SAC3D1: variants seen among roughly 807,000 people sequenced by gnomAD.
SAC3D1 encodes the protein SAC3 domain containing 1.
SAC3D1 carries 10 observed loss-of-function variants against 12.7 expected under a neutral mutation model. That is an observed-to-expected ratio of 0.79 (90% CI 0.49 to 1.34). The LOEUF is 1.34. Among genes scored for constraint, SAC3D1 ranks in the 40% most tolerant of loss-of-function variants. The pLI is 0.00. For synonymous variants in SAC3D1, 241 were observed against 250.8 expected, an observed-to-expected ratio of 0.96 and a Z score of 0.37; for missense variants, 482 against 531.1, an observed-to-expected ratio of 0.91 and a Z score of 0.91.
rs1298060999 is a variant in SAC3D1, at chr11:65,044,548, C to T, written c.898C>T (p.Pro300Ser). The change falls in exon 2 of 2, where the codon CCC becomes TCC. Residue 300 changes from proline (P) to serine (S), a missense_variant. This residue lies in a region of SAC3D1 where 225 missense variants were observed against 241.1 expected (regional missense o/e 0.93). Coordinates refer to ENST00000652489, the MANE Select transcript of SAC3D1 (RefSeq NM_013299.4). The surrounding 1 kb of genome is among the most constrained non-coding windows in gnomAD (Gnocchi z 4.0). ...GGACCTGTGCCAGGCCCACGGGCTGCCCTTGGACGGAGAGGAGAGAGTTGT... is the reference window on the plus strand; with the variant it reads ...GGACCTGTGCCAGGCCCACGGGCTGTCCTTGGACGGAGAGGAGAGAGTTGT... ...ARDLCQAHGL[P>S]LDGEERVVFL... The T allele has an allele frequency of 6.2e-7, 1 of 1,614,142 alleles. No individual in the cohort carries two copies. The highest frequency in any genetic ancestry group is 1.7e-5 in the Admixed American group (1 of 60,030).
Position 65,044,147 on chromosome 11 carries a change from G to C in SAC3D1, c.575-78G>C, listed in dbSNP as rs917287491. Reference sequence around the variant, plus strand: ...AGGGGCGTGGTCGAGGAGAGAGGAAGGACAGGGTGTTGGGAGGGGAGATGA... The same window carrying C: ...AGGGGCGTGGTCGAGGAGAGAGGAACGACAGGGTGTTGGGAGGGGAGATGA... On this transcript the variant is annotated intron_variant, in intron 1 of 1. Transcript: ENST00000652489. The surrounding 1 kb of genome is among the most constrained non-coding windows in gnomAD (Gnocchi z 4.0). 1.3e-6 allele frequency: 2 copies of C among 1,516,080 alleles called. No individual in the cohort carries two copies. Among genetic ancestry groups the C allele is most frequent in the Non-Finnish European group, 1.8e-6 (2 of 1,112,724 alleles). 93.9% of individuals were successfully genotyped at this position (1,516,080 alleles called of 1,614,324 possible).
At chr11:65,043,780 C>T (rs565614468) in intron 1 of SAC3D1, among the ~76,000 whole-genome samples, 2 of 152,202 alleles carry the variant, frequency 1.3e-5, no homozygotes, top group South Asian at 4.1e-4. Flanking sequence ...GGCAGAGTCT[C>T]CTGAAGGAAG....
rs770777396 is a variant in SAC3D1 at position 65,044,215 on chromosome 11, G to A, written c.575-10G>A. ...CCAGGCGTCCTCATTCTGGCTTCCC[G>A]CTCTCACAGGCTCGGTGGAAGCCCT... On this transcript the variant is annotated splice_polypyrimidine_tract_variant and intron_variant, in intron 1 of 1. Coordinates refer to ENST00000652489, the MANE Select transcript of SAC3D1 (RefSeq NM_013299.4). This position sits in a 1 kb window ranked among gnomAD's most constrained non-coding sequence, Gnocchi z 4.0. 74 of 1,610,468 alleles carry A rather than the reference G, an allele frequency of 4.6e-5. No individual in the cohort carries two copies. Among genetic ancestry groups the A allele is most frequent in the Middle Eastern group, 3.4e-4 (2 of 5,928 alleles).
rs1022530979 is a variant in SAC3D1 at position 65,041,273 on chromosome 11, C to T, written c.-20C>T. The T allele has an allele frequency of 5.4e-6, 8 of 1,491,460 alleles. No individual in the cohort carries two copies. The highest frequency in any genetic ancestry group is 7.1e-6 in the Non-Finnish European group (8 of 1,128,454). The allele number at this position is 1,491,460 out of a possible 1,614,324, so 92.4% of individuals were successfully genotyped here. ...CGTCCCCGGGATGCTGAGCGCCCAC[C>T]GTCTCCCCGCAGCCCCCTCATGCCC... On this transcript the variant is annotated 5_prime_UTR_variant, in exon 1 of 2. Coordinates refer to ENST00000652489, the MANE Select transcript of SAC3D1 (RefSeq NM_013299.4).
rs774976387 is a variant in SAC3D1 at position 65,041,486 on chromosome 11, C to A, written c.194C>A (p.Pro65Gln). The A allele has an allele frequency of 3.9e-5, 57 of 1,471,492 alleles. No homozygotes were observed. Among genetic ancestry groups the A allele is most frequent in the South Asian group, 3.9e-5 (3 of 76,990 alleles). The allele number at this position is 1,471,492 out of a possible 1,614,324, so 91.2% of individuals were successfully genotyped here. The change falls in exon 1 of 2, where the codon CCG becomes CAG. Residue 65 changes from proline (P) to glutamine (Q), a missense_variant. This residue lies in a region of SAC3D1 where 197 missense variants were observed against 183.2 expected (regional missense o/e 1.08). Transcript: ENST00000652489. ...CCCGCCGCCGGCAAGCCCCGGCCCC[C>A]GCCCAGCCAGTTGCGTCCGCCCTCC... ...SRPAAGKPRP[P>Q]PSQLRPPSVL... is the part of the protein sequence containing the mutation.
In SAC3D1 at chr11:65,044,591, A is replaced by C; in HGVS notation, c.941A>C (p.Tyr314Ser). 1.9e-6 allele frequency: 3 copies of C among 1,614,086 alleles called. No homozygotes were observed. The highest frequency in any genetic ancestry group is 2.5e-6 in the Non-Finnish European group (3 of 1,180,030). The change falls in exon 2 of 2, where the codon TAC becomes TCC. Residue 314 changes from tyrosine (Y) to serine (S), a missense_variant. Around this residue, in one of 3 missense-constraint regions of SAC3D1, gnomAD observed 225 missense variants for 241.1 expected, o/e 0.93. Coordinates refer to ENST00000652489, the MANE Select transcript of SAC3D1 (RefSeq NM_013299.4). This position sits in a 1 kb window ranked among gnomAD's most constrained non-coding sequence, Gnocchi z 4.0. ...AGAGTTGTGTTCCTGAGGGGTCGCT[A>C]CGTGGAGGAAGGGCTACCGCCTGCC... Reference protein sequence around the residue: ...EERVVFLRGRYVEEGLPPAST... With the variant: ...EERVVFLRGRSVEEGLPPAST...
In SAC3D1 at chr11:65,044,118, G is replaced by T. The variant is rs907820080; in HGVS notation, c.575-107G>T. The T allele has an allele frequency of 2.9e-6, 4 of 1,360,254 alleles. No individual in the cohort carries two copies. The Admixed American group carries it at 6.1e-5, about 21-fold the overall frequency. 84.3% of individuals were successfully genotyped at this position (1,360,254 alleles called of 1,614,324 possible). On this transcript the variant is annotated intron_variant, in intron 1 of 1. Coordinates refer to ENST00000652489, the MANE Select transcript of SAC3D1 (RefSeq NM_013299.4). The surrounding 1 kb of genome is among the most constrained non-coding windows in gnomAD (Gnocchi z 4.0). The stretch of plus-strand genomic sequence containing the variant: ...GGAGAGGGAAGTTGGGCTAGGCCTA[G>T]AGAAGGGGCGTGGTCGAGGAGAGAG...
intron 1 of SAC3D1, 121 bp downstream of exon 1, chr11:65,041,987 C>A: frequency 1.6e-6 from 2 of 1,220,826 alleles, no homozygotes; most frequent in Non-Finnish European, 2.1e-6. Flanking sequence ...CAGGACAGCA[C>A]AAGATCCACC....
intron 1 of SAC3D1, among the ~76,000 whole-genome samples, chr11:65,042,316 C>G (rs923593989): frequency 6.6e-6 from 1 of 152,004 alleles, no homozygotes; most frequent in African/African-American, 2.4e-5. Flanking sequence ...AGGCTGGTCT[C>G]GAACTCCTGA....
Position 65,044,382 on chromosome 11 carries a change from C to G in SAC3D1, c.732C>G (p.Cys244Trp), listed in dbSNP as rs376407450. ...LLQTLPYLPS[C>W]AVQCHVGHAR... ...AGACCCTGCCCTACCTGCCAAGTTG[C>G]GCTGTGCAGTGCCATGTGGGCCATG... Residue 244 changes from cysteine to tryptophan, a missense_variant, in exon 2 of 2, where the codon TGC (cysteine) becomes TGG (tryptophan). Cys to Trp is a radical substitution (Grantham distance 215). Around this residue, in one of 3 missense-constraint regions of SAC3D1, gnomAD observed 225 missense variants for 241.1 expected, o/e 0.93. Coordinates refer to ENST00000652489, the MANE Select transcript of SAC3D1 (RefSeq NM_013299.4). The surrounding 1 kb of genome is among the most constrained non-coding windows in gnomAD (Gnocchi z 4.0). The G allele has an allele frequency of 2.5e-6, 4 of 1,613,600 alleles. 1 individual carries two copies. In the South Asian group the frequency reaches 4.4e-5, roughly 18 times the overall value.
chr11:65,041,885 G>A lies in SAC3D1; in HGVS notation c.574+19G>A, dbSNP rs1946612174. The A allele has an allele frequency of 7.1e-7, 1 of 1,418,396 alleles. No individual in the cohort carries two copies. The allele number at this position is 1,418,396 out of a possible 1,614,324, so 87.9% of individuals were successfully genotyped here. A position where few individuals can be genotyped will look rare whatever the true frequency, so the allele number is the denominator to read the frequency against. On this transcript the variant is annotated intron_variant, in intron 1 of 1. Transcript: ENST00000652489. The stretch of plus-strand genomic sequence containing the variant: ...AACCTGGGTGAGTCGGGATCCTGGC[G>A]GCTGGGCAGAGCGTGGGGACAGGAG...
At position 65,041,286 on chromosome 11, in the gene SAC3D1, C is replaced by T. The variant is rs955182923; in HGVS notation, c.-7C>T. 2.0e-6 allele frequency: 3 copies of T among 1,497,414 alleles called. No individual in the cohort carries two copies. The highest frequency in any genetic ancestry group is 2.5e-5 in the South Asian group (2 of 80,258). The allele number at this position is 1,497,414 out of a possible 1,614,324, so 92.8% of individuals were successfully genotyped here. On this transcript the variant is annotated 5_prime_UTR_variant, in exon 1 of 2. Coordinates refer to ENST00000652489, the MANE Select transcript of SAC3D1 (RefSeq NM_013299.4). ...CTGAGCGCCCACCGTCTCCCCGCAG[C>T]CCCCTCATGCCCGGCTGCGAGCTGC...
At chr11:65,043,613 CTCAAAAAAAA>C in intron 1 of SAC3D1, among the ~76,000 whole-genome samples, 1 of 12,398 alleles carries the variant, frequency 8.1e-5, no homozygotes. Context: ...GCAAGTCTGT[CTCAAAAAAAA>C]AAAAAAAAAA....
At chr11:65,040,965 C>A, upstream of SAC3D1, 1 of 412,116 alleles carries the variant, frequency 2.4e-6, no homozygotes, top group Non-Finnish European at 4.4e-6. Context: ...CCGGGCTACA[C>A]GTTAAAAACA....
At chr11:65,040,979 A>G (rs1176574732), upstream of SAC3D1, 5 of 450,018 alleles carry the variant, frequency 1.1e-5, no homozygotes, top group Non-Finnish European at 2.0e-5. Context: ...AAAAACACTA[A>G]GGGGAGCGCG....
Position 65,041,689 on chromosome 11 carries a change from C to A in SAC3D1, c.397C>A (p.Leu133Met), listed in dbSNP as rs1476291525. ...AVVLEAALAT[L>M]LTVVARLGPD... The stretch of plus-strand genomic sequence containing the variant: ...GGTGCTGGAGGCGGCGCTGGCCACG[C>A]TGCTGACCGTAGTGGCGCGGCTCGG... The change falls in exon 1 of 2, where the codon CTG (leucine) becomes ATG (methionine). Residue 133 changes from leucine (L) to methionine (M), a missense_variant. Leu to Met is a conservative substitution (Grantham distance 15). Coordinates refer to ENST00000652489, the MANE Select transcript of SAC3D1 (RefSeq NM_013299.4). 12 of 1,353,768 alleles carry A rather than the reference C, an allele frequency of 8.9e-6. No homozygotes were observed. The South Asian group carries it at 9.1e-5, about 10-fold the overall frequency. 83.9% of individuals were successfully genotyped at this position (1,353,768 alleles called of 1,614,324 possible).
upstream of SAC3D1, chr11:65,040,962 A>C: frequency 2.6e-6 from 1 of 389,462 alleles, no homozygotes. Flanking sequence ...GGCCCGGGCT[A>C]CACGTTAAAA....
rs927825275 is a variant in SAC3D1 at position 65,041,305 on chromosome 11, G to A, written c.13G>A (p.Glu5Lys). Residue 5 changes from glutamate to lysine, a missense_variant, in exon 1 of 2, where the codon GAG becomes AAG. Glu to Lys is a moderately conservative substitution (Grantham distance 56). Transcript: ENST00000652489. ...CCGCAGCCCCCTCATGCCCGGCTGC[G>A]AGCTGCCCGTGGGCACCTGCCCGGA... MPGC[E>K]LPVGTCPDMC... 2 of 1,504,486 alleles carry A rather than the reference G, an allele frequency of 1.3e-6. No individual in the cohort carries two copies. Among genetic ancestry groups the A allele is most frequent in the Non-Finnish European group, 8.8e-7 (1 of 1,134,352 alleles). 93.2% of individuals were successfully genotyped at this position (1,504,486 alleles called of 1,614,324 possible). A position where few individuals can be genotyped will look rare whatever the true frequency, so the allele number is the denominator to read the frequency against.
chr11:65,043,098 C>T lies in SAC3D1; in HGVS notation c.575-1127C>T, dbSNP rs140942725. ...CTCCTGCCCCACCCTCCCAAGTAGC[C>T]GGGTGTGGCCATCATGCCCAGTGAA... On this transcript the variant is annotated intron_variant, in intron 1 of 1. Transcript: ENST00000652489. 6.7e-3 allele frequency: 2,963 copies of T among 445,152 alleles called. 24 individuals carry two copies. Among genetic ancestry groups the T allele is most frequent in the South Asian group, 8.0e-3 (503 of 62,886 alleles). The allele number at this position is 445,152 out of a possible 1,614,324, so 27.6% of individuals were successfully genotyped here.
Sources: allele counts gnomAD v4.1 joint callset (sites outside exome capture counted in the v4.1 genomes callset), GRCh38; gene constraint gnomAD v4.1.1; regional missense constraint gnomAD v4.1.1; non-coding constraint Gnocchi (gnomAD v3.1); transcripts MANE v1.5; gene names NCBI Gene and HGNC (gene_info 2026-07-23, HGNC 2026-07-21).